Variants in ST3GAL3 observed in about 807,000 individuals in gnomAD.
ST3GAL3 encodes CMP-N-acetylneuraminate-beta-1,4-galactoside alpha-2,3-sialyltransferase.
ST3GAL3 carries 21 observed loss-of-function variants against 50.1 expected under a neutral mutation model. That is an observed-to-expected ratio of 0.42 (90% CI 0.30 to 0.60). The LOEUF (loss-of-function observed/expected upper bound fraction) is 0.60. Among genes scored for constraint, ST3GAL3 ranks in the 20% least tolerant of loss-of-function variants. The probability of loss-of-function intolerance (pLI) is 0.19; values close to 1 mark genes in which losing one functional copy is unlikely to be tolerated. For missense variants in ST3GAL3, 353 were observed against 489.4 expected, an observed-to-expected ratio of 0.72 and a Z score of 2.63; for synonymous variants, 183 against 190.0, an observed-to-expected ratio of 0.96 and a Z score of 0.30.
At chr1:43,712,834 TGGG>T (rs1665466779) in intron 1 of ST3GAL3, among the ~76,000 whole-genome samples, 1 of 152,140 alleles carries the variant, frequency 6.6e-6, no homozygotes, top group African/African-American at 2.4e-5. Flanking sequence ...TGGAGCCTGT[TGGG>T]GGAGTGTGTG....
chr1:43,761,688 T>C (rs750513451), intron 2 of ST3GAL3, among the ~76,000 whole-genome samples: 21 of 151,848 alleles, frequency 1.4e-4, no homozygotes, highest in Middle Eastern at 3.4e-3. Context: ...CGGTGGCTCA[T>C]GCCTGTAATC....
intron 2 of ST3GAL3, among the ~76,000 whole-genome samples, chr1:43,767,257 G>A (rs193074613): frequency 4.0e-4 from 61 of 152,128 alleles, no homozygotes; most frequent in Non-Finnish European, 6.9e-4. Flanking sequence ...AAGGCAGAGG[G>A]AAGATTATGG....
At position 43,930,161 on chromosome 1, in the gene ST3GAL3, A is replaced by G. The variant is rs1015506821; in HGVS notation, c.1068A>G (p.Lys356=). 9 of 1,614,092 alleles carry G rather than the reference A, an allele frequency of 5.6e-6. No homozygotes were observed. Among genetic ancestry groups the G allele is most frequent in the African/African-American group, 4.0e-5 (3 of 74,950 alleles). ...GGACGCACAATATCCAGCGAGAGAA[A>G]GAGTTTCTGCGGAAGCTGGTGAAAG... ...ESWTHNIQRE[K]EFLRKLVKAR... Residue 356 remains lysine, a synonymous_variant, in exon 12 of 12, where the codon AAA becomes AAG. Coordinates refer to ENST00000347631, the MANE Select transcript of ST3GAL3 (RefSeq NM_006279.5).
At chr1:43,855,600 ACT>A (rs1399502727) in intron 5 of ST3GAL3, among the ~76,000 whole-genome samples, 5 of 151,612 alleles carry the variant, frequency 3.3e-5, no homozygotes, top group Non-Finnish European at 5.9e-5. Flanking sequence ...ACAGAGCAAG[ACT>A]CTGTCTCAAA....
At chr1:43,925,932 C>A (rs2083841053) in intron 11 of ST3GAL3, among the ~76,000 whole-genome samples, 1 of 152,136 alleles carries the variant, frequency 6.6e-6, no homozygotes, top group Admixed American at 6.5e-5. Context: ...GTGGTGAGAA[C>A]AGTTTCAAAG....
intron 4 of ST3GAL3, among the ~76,000 whole-genome samples, chr1:43,834,464 G>C (rs1182685831): frequency 6.6e-6 from 1 of 152,142 alleles, no homozygotes; most frequent in Non-Finnish European, 1.5e-5. Context: ...GAGGTTGGTG[G>C]TGACCTCCCT....
In ST3GAL3 at chr1:43,759,818, C is replaced by T. The variant is rs140103323; in HGVS notation, c.118+23438C>T. Among the ~76,000 whole-genome samples the T allele has an allele frequency of 6.2e-4, 94 of 152,232 alleles. 5 individuals carry two copies. Among genetic ancestry groups the T allele is most frequent in the East Asian group, 6.0e-3 (31 of 5,190 alleles). Reference sequence around the variant, plus strand: ...CAATTTTACTTAAAAATGTTATTGACGAAACATTTAATTTCATGAAATCTC... The same window carrying T: ...CAATTTTACTTAAAAATGTTATTGATGAAACATTTAATTTCATGAAATCTC... On this transcript the variant is annotated intron_variant, in intron 2 of 11. Coordinates refer to ENST00000347631, the MANE Select transcript of ST3GAL3 (RefSeq NM_006279.5).
chr1:43,733,185 G>A lies in ST3GAL3; in HGVS notation c.-30-3048G>A, dbSNP rs1210674035. Among the ~76,000 whole-genome samples the A allele has an allele frequency of 2.0e-5, 3 of 151,932 alleles. No homozygotes were observed. The East Asian group carries it at 5.8e-4, about 29-fold the overall frequency. On this transcript the variant is annotated intron_variant, in intron 1 of 11. Coordinates refer to ENST00000347631, the MANE Select transcript of ST3GAL3 (RefSeq NM_006279.5). ...AATCTTAAAATTTTTTGTAGAGATG[G>A]GGGTCTCATCTCATCATCTTGCCCA...
chr1:43,796,407 A>G (rs1260827295), intron 3 of ST3GAL3, among the ~76,000 whole-genome samples: 1 of 152,244 alleles, frequency 6.6e-6, no homozygotes, highest in Non-Finnish European at 1.5e-5. Context: ...ACTTCAGGAT[A>G]ACCCAAGCTG....
intron 5 of ST3GAL3, chr1:43,894,069 G>GAATGCC: frequency 2.5e-6 from 1 of 406,806 alleles, no homozygotes; most frequent in Admixed American, 3.6e-5. Flanking sequence ...ACTATTTGAT[G>GAATGCC]AATGCCTGCA....
chr1:43,855,609 CA>C (rs34587643), intron 5 of ST3GAL3, among the ~76,000 whole-genome samples: 71 of 118,310 alleles, frequency 6.0e-4, no homozygotes, highest in African/African-American at 1.8e-3. Context: ...GACTCTGTCT[CA>C]AAAAAAAAAA....
chr1:43,910,554 G>T (rs1324606468), intron 9 of ST3GAL3, among the ~76,000 whole-genome samples: 1 of 152,228 alleles, frequency 6.6e-6, no homozygotes, highest in Non-Finnish European at 1.5e-5. Context: ...GTGAGAATGG[G>T]CACAAGAAAT....
chr1:43,821,773 G>A (rs1351097018), intron 4 of ST3GAL3, among the ~76,000 whole-genome samples: 3 of 152,158 alleles, frequency 2.0e-5, no homozygotes, highest in East Asian at 3.9e-4. Context: ...TCTGCTCTCT[G>A]AAAGGGGTCT....
At chr1:43,873,310 GAA>G (rs1490946758) in intron 5 of ST3GAL3, among the ~76,000 whole-genome samples, 1 of 152,180 alleles carries the variant, frequency 6.6e-6, no homozygotes, top group Non-Finnish European at 1.5e-5. Context: ...GAGTATGAGA[GAA>G]AGAGAGTAAT....
chr1:43,771,420 T>A (rs556459882), intron 2 of ST3GAL3, among the ~76,000 whole-genome samples: 33 of 151,940 alleles, frequency 2.2e-4, no homozygotes, highest in African/African-American at 8.0e-4. Flanking sequence ...TGCAGTGGCG[T>A]GATCTCGGCT....
At chr1:43,894,173 C>A in intron 5 of ST3GAL3, 1 of 608,846 alleles carries the variant, frequency 1.6e-6, no homozygotes. Flanking sequence ...AAAGACTGAC[C>A]AGGCCTACTC....
At chr1:43,762,262 T>TAAAA (rs573587830) in intron 2 of ST3GAL3, among the ~76,000 whole-genome samples, 66 of 121,360 alleles carry the variant, frequency 5.4e-4, no homozygotes, top group African/African-American at 1.9e-3. Flanking sequence ...CCTGTCTCAT[T>TAAAA]AAAAAAAAAA....
chr1:43,850,278 T>G, intron 5 of ST3GAL3: 2 of 495,206 alleles, frequency 4.0e-6, no homozygotes, highest in South Asian at 3.1e-5. Context: ...ACCAGGTGCA[T>G]CCAGGGTGGG....
intron 5 of ST3GAL3, among the ~76,000 whole-genome samples, chr1:43,886,750 G>A (rs139151768): frequency 2.6e-5 from 4 of 152,314 alleles, no homozygotes; most frequent in East Asian, 1.9e-4. Flanking sequence ...GTGGAGACAG[G>A]ATATCCACTG....
Sources: allele counts gnomAD v4.1 joint callset (sites outside exome capture counted in the v4.1 genomes callset), GRCh38; gene constraint gnomAD v4.1.1; transcripts MANE v1.5; gene names NCBI Gene and HGNC (gene_info 2026-07-23, HGNC 2026-07-21).